The following DLGAP1 variants were observed in gnomAD, a reference collection of about 807,000 sequenced individuals.
The protein encoded by DLGAP1 is disks large-associated protein 1.
DLGAP1 carries 11 observed loss-of-function variants against 90.8 expected under a neutral mutation model. The observed-to-expected ratio is 0.12, with a 90% CI of 0.08 to 0.20. DLGAP1 has a LOEUF of 0.20. Among genes scored for constraint, DLGAP1 ranks in the 10% least tolerant of loss-of-function variants. The pLI is 1.00. For synonymous variants in DLGAP1, 558 were observed against 540.7 expected, an observed-to-expected ratio of 1.03 and a Z score of -0.44; for missense variants, 1,050 against 1,333.8, an observed-to-expected ratio of 0.79 and a Z score of 3.31.
At chr18:3,910,989 A>G (rs536076521) in intron 3 of DLGAP1, among the ~76,000 whole-genome samples, 3 of 152,316 alleles carry the variant, frequency 2.0e-5, no homozygotes, top group African/African-American at 7.2e-5. Flanking sequence ...TTGGCCCACG[A>G]ACTGCTGGAG....
intron 3 of DLGAP1, among the ~76,000 whole-genome samples, chr18:3,999,220 C>T (rs2074131106): frequency 6.6e-6 from 1 of 151,036 alleles, no homozygotes; most frequent in African/African-American, 2.4e-5. Context: ...ATTTTTTATC[C>T]CGTCTCCTTT....
chr18:3,595,474 A>G (rs1272539723), intron 7 of DLGAP1, among the ~76,000 whole-genome samples: 5 of 152,194 alleles, frequency 3.3e-5, no homozygotes, highest in Non-Finnish European at 5.9e-5. Flanking sequence ...GTATCTTGAA[A>G]GGACACAGAC....
chr18:4,123,373 C>T (rs1396703374), intron 2 of DLGAP1, among the ~76,000 whole-genome samples: 1 of 152,074 alleles, frequency 6.6e-6, no homozygotes, highest in Non-Finnish European at 1.5e-5. Context: ...TATACACTCT[C>T]AGGGCCATAG....
chr18:4,404,844 C>A (rs1026913138), intron 1 of DLGAP1, among the ~76,000 whole-genome samples: 1 of 152,106 alleles, frequency 6.6e-6, no homozygotes, highest in Admixed American at 6.5e-5. Context: ...TTATGTAAGG[C>A]ACCTAATAGT....
intron 10 of DLGAP1, among the ~76,000 whole-genome samples, chr18:3,523,282 C>T (rs1469825408): frequency 6.6e-6 from 1 of 151,596 alleles, no homozygotes; most frequent in African/African-American, 2.4e-5. Context: ...GAGGCTGAGG[C>T]AGGAGAATCA....
At chr18:4,162,176 T>C (rs2076857533) in intron 1 of DLGAP1, among the ~76,000 whole-genome samples, 1 of 152,136 alleles carries the variant, frequency 6.6e-6, no homozygotes, top group African/African-American at 2.4e-5. Flanking sequence ...GAACAAACTG[T>C]TATGGAAATA....
intron 3 of DLGAP1, among the ~76,000 whole-genome samples, chr18:3,962,939 T>C (rs1342025954): frequency 6.6e-6 from 1 of 152,224 alleles, no homozygotes; most frequent in East Asian, 1.9e-4. Context: ...ATGCTTCTTG[T>C]AGGTGTTGGT....
At position 3,805,854 on chromosome 18, in the gene DLGAP1, TTGATG is replaced by T. The variant is rs200291503; in HGVS notation, c.1172+8200_1172+8204del. On this transcript the variant is annotated intron_variant, in intron 5 of 12. Transcript: ENST00000315677. ...TTTTCTCTAACAATTTCCAAATTAA[TTGATG>T]TGATAATTAATAACTTTGCACTTAG... Among the ~76,000 whole-genome samples the T allele has an allele frequency of 1.1e-3, 165 of 152,346 alleles. 2 individuals are homozygous for T. In the East Asian group the frequency reaches 0.03, roughly 28 times the overall value.
chr18:4,419,889 T>C (rs2082989544), intron 1 of DLGAP1, among the ~76,000 whole-genome samples: 1 of 151,804 alleles, frequency 6.6e-6, no homozygotes, highest in Non-Finnish European at 1.5e-5. Context: ...ACAGCTAACA[T>C]AGAAGGCCAA....
intron 1 of DLGAP1, among the ~76,000 whole-genome samples, chr18:4,302,455 G>A (rs1211473711): frequency 1.3e-5 from 2 of 152,074 alleles, no homozygotes; most frequent in Non-Finnish European, 1.5e-5. Context: ...ATGTACATAC[G>A]TGAGCTTTTT....
rs140679076 is a variant in DLGAP1 at position 4,208,873 on chromosome 18, T to C, written c.-266-57586A>G. Among the ~76,000 whole-genome samples, 1,083 of 151,994 alleles carry C rather than the reference T, an allele frequency of 7.1e-3. 6 individuals carry two copies. Among genetic ancestry groups the C allele is most frequent in the African/African-American group, 0.025 (1,035 of 41,444 alleles). On this transcript the variant is annotated intron_variant, in intron 1 of 12. Transcript: ENST00000315677. ...AGCCAACTATTTAACTACCTAGACA[T>C]GCACTCAAATGGAAGACAAAATGGC...
At chr18:4,124,994 T>C (rs2076210882) in intron 2 of DLGAP1, among the ~76,000 whole-genome samples, 1 of 152,024 alleles carries the variant, frequency 6.6e-6, no homozygotes. Context: ...GGGGTCCAGG[T>C]TGGTGGGCAA....
At chr18:3,728,599 C>T (rs2147450928) in intron 7 of DLGAP1, among the ~76,000 whole-genome samples, 1 of 152,256 alleles carries the variant, frequency 6.6e-6, no homozygotes, top group African/African-American at 2.4e-5. Flanking sequence ...AATCTGCTTT[C>T]TGTTAAAATA....
In DLGAP1 at chr18:3,496,032, A is replaced by G. The variant is rs1392083305; in HGVS notation, c.*3153T>C. On this transcript the variant is annotated 3_prime_UTR_variant, in exon 13 of 13. Transcript: ENST00000315677. ...TCTAGTAAAAACACACAGACCTGAAAGCAGTGCATTAATTATTTTATTAAT... is the reference window on the plus strand; with the variant it reads ...TCTAGTAAAAACACACAGACCTGAAGGCAGTGCATTAATTATTTTATTAAT... 2 of 152,244 alleles carry G rather than the reference A, an allele frequency of 1.3e-5. No homozygotes were observed. The highest frequency in any genetic ancestry group is 4.8e-5 in the African/African-American group (2 of 41,472). 9.4% of individuals were successfully genotyped at this position (152,244 alleles called of 1,614,324 possible). A position where few individuals can be genotyped will look rare whatever the true frequency, so the allele number is the denominator to read the frequency against.
intron 2 of DLGAP1, among the ~76,000 whole-genome samples, chr18:4,063,726 TCTTC>T (rs977562763): frequency 1.3e-5 from 2 of 152,086 alleles, no homozygotes; most frequent in African/African-American, 4.8e-5. Context: ...TACCCAAGCT[TCTTC>T]CTTCCTTTCT....
At chr18:4,447,934 T>C (rs2083707173) in intron 1 of DLGAP1, among the ~76,000 whole-genome samples, 1 of 152,154 alleles carries the variant, frequency 6.6e-6, no homozygotes, top group South Asian at 2.1e-4. Context: ...TCCTATCAAA[T>C]CTAAACATTC....
intron 7 of DLGAP1, among the ~76,000 whole-genome samples, chr18:3,666,526 T>G (rs2146676403): frequency 6.6e-6 from 1 of 152,318 alleles, no homozygotes; most frequent in South Asian, 2.1e-4. Context: ...CGAGGAAGGA[T>G]GCAGCTCCTG....
chr18:3,545,097 A>G (rs2052936995), intron 9 of DLGAP1, among the ~76,000 whole-genome samples: 1 of 151,890 alleles, frequency 6.6e-6, no homozygotes, highest in South Asian at 2.1e-4. Context: ...AACACGGTGA[A>G]ACTCTGTCTC....
At chr18:4,404,255 A>G (rs1308845829) in intron 1 of DLGAP1, among the ~76,000 whole-genome samples, 1 of 152,224 alleles carries the variant, frequency 6.6e-6, no homozygotes, top group African/African-American at 2.4e-5. Context: ...AATCAGAGCA[A>G]GTGAAATCTC....
Sources: gnomAD v4.1 joint callset for allele counts (sites outside exome capture counted in the v4.1 genomes callset) on GRCh38, gnomAD v4.1.1 for gene constraint, MANE v1.5 for transcripts, NCBI Gene and HGNC (gene_info 2026-07-23, HGNC 2026-07-21) for gene names.